PRKG1: variants seen among roughly 807,000 people sequenced by gnomAD.
PRKG1 encodes protein kinase cGMP-dependent 1.
In PRKG1, 35 loss-of-function variants were observed where a neutral mutation model predicts 88.1. That is an observed-to-expected ratio of 0.40 (90% CI 0.30 to 0.53). PRKG1 has a LOEUF of 0.53. Among genes scored for constraint, PRKG1 ranks in the 20% least tolerant of loss-of-function variants. The probability of loss-of-function intolerance (pLI) is 0.59; values close to 1 mark genes in which losing one functional copy is unlikely to be tolerated. For synonymous variants in PRKG1, 303 were observed against 292.5 expected (o/e 1.04, Z -0.37); for missense variants, 540 against 839.8 (o/e 0.64, Z 4.41).
intron 5 of PRKG1, among the ~76,000 whole-genome samples, chr10:51,938,861 C>T (rs79718241): frequency 0.048 from 7,254 of 151,964 alleles, 270 homozygotes; most frequent in Middle Eastern, 0.088. Flanking sequence ...ATTGTATGTA[C>T]TTCAGAAAGT....
chr10:51,570,365 G>A (rs1176673016), intron 3 of PRKG1, among the ~76,000 whole-genome samples: 1 of 151,674 alleles, frequency 6.6e-6, no homozygotes, highest in Non-Finnish European at 1.5e-5. Flanking sequence ...AATTAAGCTA[G>A]AGAAAAAAAT....
chr10:51,418,325 A>G (rs1838303841), intron 2 of PRKG1, among the ~76,000 whole-genome samples: 1 of 152,176 alleles, frequency 6.6e-6, no homozygotes, highest in South Asian at 2.1e-4. Flanking sequence ...CCCTAACTGA[A>G]TAAGGGATGT....
At chr10:52,006,822 G>A (rs1190788142) in intron 5 of PRKG1, among the ~76,000 whole-genome samples, 5 of 152,090 alleles carry the variant, frequency 3.3e-5, no homozygotes, top group African/African-American at 9.7e-5. Flanking sequence ...GTGACATAAT[G>A]ATTACATTCT....
chr10:51,980,431 G>C (rs903564313), intron 5 of PRKG1, among the ~76,000 whole-genome samples: 12 of 152,128 alleles, frequency 7.9e-5, no homozygotes, highest in Non-Finnish European at 1.6e-4. Context: ...TGTGCCCTGT[G>C]GTGATGAGAA....
intron 5 of PRKG1, among the ~76,000 whole-genome samples, chr10:52,041,162 T>A (rs572117433): frequency 6.2e-4 from 95 of 152,266 alleles, no homozygotes; most frequent in Non-Finnish European, 1.1e-3. Context: ...CTGTGCCTAA[T>A]TTGTTTAGAG....
At chr10:51,873,866 T>C (rs10999870) in intron 4 of PRKG1, among the ~76,000 whole-genome samples, 1,813 of 152,242 alleles carry the variant, frequency 0.012, 42 homozygotes, top group African/African-American at 0.041. Flanking sequence ...ATTAGAAATG[T>C]TTTCCGTAAG....
At chr10:51,538,973 T>C (rs1208725268) in intron 3 of PRKG1, among the ~76,000 whole-genome samples, 2 of 152,076 alleles carry the variant, frequency 1.3e-5, no homozygotes, top group Non-Finnish European at 2.9e-5. Context: ...TATATGTGTA[T>C]TTACACATAT....
intron 3 of PRKG1, among the ~76,000 whole-genome samples, chr10:51,781,601 C>A (rs1205254640): frequency 6.6e-6 from 1 of 152,064 alleles, no homozygotes; most frequent in Non-Finnish European, 1.5e-5. Flanking sequence ...TGTTTTTACC[C>A]CTTTATAGAT....
chr10:51,580,852 A>G (rs995961599), intron 3 of PRKG1, among the ~76,000 whole-genome samples: 7 of 152,092 alleles, frequency 4.6e-5, no homozygotes, highest in Non-Finnish European at 8.8e-5. Context: ...ATCATCACCT[A>G]CTTGACACCA....
At chr10:51,263,516 T>A (rs902544347) in intron 2 of PRKG1, among the ~76,000 whole-genome samples, 10 of 152,198 alleles carry the variant, frequency 6.6e-5, no homozygotes, top group African/African-American at 2.4e-4. Flanking sequence ...GCAAAACTCC[T>A]TGGGAAGGTA....
intron 14 of PRKG1, among the ~76,000 whole-genome samples, chr10:52,287,698 T>TAA (rs34027188): frequency 1.3e-4 from 18 of 138,130 alleles, no homozygotes; most frequent in Middle Eastern, 3.7e-3. Context: ...ATGGATCAGT[T>TAA]AAAAAAAAAA....
At chr10:52,102,162 C>T (rs1434383648) in intron 7 of PRKG1, among the ~76,000 whole-genome samples, 1 of 152,148 alleles carries the variant, frequency 6.6e-6, no homozygotes, top group Non-Finnish European at 1.5e-5. Context: ...CAATAAACAA[C>T]TGCCTTTTTA....
In PRKG1 at chr10:52,203,994, A is replaced by G. The variant is rs186092290; in HGVS notation, c.1076+42031A>G. Among the ~76,000 whole-genome samples, 555 of 152,172 alleles carry G rather than the reference A, an allele frequency of 3.6e-3. 3 individuals are homozygous for G. The highest frequency in any genetic ancestry group is 0.012 in the African/African-American group (505 of 41,498). On this transcript the variant is annotated intron_variant, in intron 9 of 17. Transcript: ENST00000373980. Reference sequence around the variant, plus strand: ...GCAACCTGTCGCTTGGTGCCTCTTCATTGTGGCATTTAGCCTGTTTACATT... The same window carrying G: ...GCAACCTGTCGCTTGGTGCCTCTTCGTTGTGGCATTTAGCCTGTTTACATT...
chr10:51,045,365 A>G (rs1347657868), intron 1 of PRKG1, among the ~76,000 whole-genome samples: 1 of 152,048 alleles, frequency 6.6e-6, no homozygotes, highest in African/African-American at 2.4e-5. Context: ...TCTGTCGCCC[A>G]GGCTGGAGTG....
At chr10:52,164,904 G>A (rs1838389229) in intron 9 of PRKG1, among the ~76,000 whole-genome samples, 1 of 152,006 alleles carries the variant, frequency 6.6e-6, no homozygotes, top group Non-Finnish European at 1.5e-5. Flanking sequence ...GGGTGTGTGT[G>A]GTAAGAACAG....
At chr10:51,381,446 T>G (rs1383489321) in intron 2 of PRKG1, among the ~76,000 whole-genome samples, 1 of 151,932 alleles carries the variant, frequency 6.6e-6, no homozygotes, top group Admixed American at 6.6e-5. Flanking sequence ...CTTGGTGCAG[T>G]GATTGAGTGA....
intron 3 of PRKG1, among the ~76,000 whole-genome samples, chr10:51,639,983 A>G (rs1218324160): frequency 2.0e-5 from 3 of 152,220 alleles, no homozygotes; most frequent in Non-Finnish European, 4.4e-5. Flanking sequence ...GATCTACAAA[A>G]TAAGTATCCT....
chr10:52,223,120 A>G (rs895105314), intron 9 of PRKG1, among the ~76,000 whole-genome samples: 2 of 152,098 alleles, frequency 1.3e-5, no homozygotes. Flanking sequence ...TACCAACCAA[A>G]CAAACAAAAA....
chr10:52,177,721 G>C (rs1269826174), intron 9 of PRKG1, among the ~76,000 whole-genome samples: 1 of 151,920 alleles, frequency 6.6e-6, no homozygotes, highest in Non-Finnish European at 1.5e-5. Flanking sequence ...TTTCAATCTT[G>C]ATAGATTTTA....
Sources: gnomAD v4.1 joint callset for allele counts (sites outside exome capture counted in the v4.1 genomes callset) on GRCh38, gnomAD v4.1.1 for gene constraint, MANE v1.5 for transcripts, NCBI Gene and HGNC (gene_info 2026-07-23, HGNC 2026-07-21) for gene names.